The following VPS35L variants were observed in gnomAD, a reference collection of about 807,000 sequenced individuals.
The protein encoded by VPS35L is VPS35 endosomal protein sorting factor like, also known as VPS35 endosomal protein-sorting factor-like.
In VPS35L, 83 loss-of-function variants were observed where a neutral mutation model predicts 133.0. The ratio of observed to expected loss-of-function variants is 0.62; its 90% confidence interval spans 0.52 to 0.75. The LOEUF (loss-of-function observed/expected upper bound fraction) is 0.75. Among genes scored for constraint, VPS35L ranks in the 30% least tolerant of loss-of-function variants. The pLI, the probability that VPS35L is intolerant of heterozygous loss-of-function variation, is 0.00. For synonymous variants in VPS35L, 423 were observed against 449.9 expected, an observed-to-expected ratio of 0.94 and a Z score of 0.76; for missense variants, 1,083 against 1,206.8, an observed-to-expected ratio of 0.90 and a Z score of 1.52.
intron 26 of VPS35L, among the ~76,000 whole-genome samples, chr16:19,665,420 G>A (rs1043805013): frequency 6.6e-6 from 1 of 152,172 alleles, no homozygotes; most frequent in African/African-American, 2.4e-5. Context: ...ACAAATAAGT[G>A]AGAACATGCA....
intron 14 of VPS35L, among the ~76,000 whole-genome samples, chr16:19,622,573 A>G (rs1481003385): frequency 6.6e-6 from 1 of 152,092 alleles, no homozygotes; most frequent in Non-Finnish European, 1.5e-5. Context: ...GGTTGAAAAA[A>G]ATCCGTGTCT....
intron 29 of VPS35L, among the ~76,000 whole-genome samples, chr16:19,694,935 G>T (rs977525384): frequency 5.9e-5 from 9 of 152,162 alleles, no homozygotes; most frequent in Middle Eastern, 3.4e-3. Context: ...GAACCCAGGA[G>T]GGGGAGGTTG....
chr16:19,617,842 TG>T, intron 14 of VPS35L: 1 of 157,582 alleles, frequency 6.3e-6, no homozygotes. Context: ...TCACCATGCC[TG>T]GCTAATTTTT....
chr16:19,698,517 A>G (rs1486958435), intron 29 of VPS35L, among the ~76,000 whole-genome samples: 4 of 152,194 alleles, frequency 2.6e-5, no homozygotes, highest in African/African-American at 9.6e-5. Flanking sequence ...TCATGTTTGA[A>G]TAACGGGAAG....
At chr16:19,630,458 C>T (rs1241653099) in intron 18 of VPS35L, among the ~76,000 whole-genome samples, 5 of 151,694 alleles carry the variant, frequency 3.3e-5, no homozygotes, top group East Asian at 1.9e-4. Flanking sequence ...CTCATCCTCC[C>T]GAGTAGCTGG....
At chr16:19,610,543 T>C in intron 12 of VPS35L, 128 bp downstream of exon 12, 2 of 577,874 alleles carry the variant, frequency 3.5e-6, no homozygotes, top group Non-Finnish European at 5.8e-6. Flanking sequence ...TGGCTAATTT[T>C]AGATCATGGC....
At chr16:19,679,894 G>C (rs1447407327) in intron 27 of VPS35L, among the ~76,000 whole-genome samples, 2 of 152,208 alleles carry the variant, frequency 1.3e-5, no homozygotes, top group Non-Finnish European at 2.9e-5. Flanking sequence ...TTGAAAGTAT[G>C]ACTGCAATAT....
Position 19,616,784 on chromosome 16 carries a change from G to C in VPS35L, c.1200G>C (p.Gln400His). 1 of 1,614,166 alleles carries C rather than the reference G, an allele frequency of 6.2e-7. No homozygotes were observed. The highest frequency in any genetic ancestry group is 1.1e-5 in the South Asian group (1 of 91,086). The change falls in exon 14 of 31, where the codon CAG (glutamine) becomes CAC (histidine). Residue 400 changes from glutamine (Q) to histidine (H), a missense_variant. By Grantham distance (24) the Gln-to-His change is conservative. Transcript: ENST00000417362. ...CGCCTGCCATGGACTGGATCTTCCA[G>C]TGCATCTCCTACCATGCCCCCGAGG... ...LYPPAMDWIF[Q>H]CISYHAPEAL...
intron 26 of VPS35L, among the ~76,000 whole-genome samples, chr16:19,663,089 C>G (rs1205557061): frequency 6.6e-6 from 1 of 152,078 alleles, no homozygotes; most frequent in African/African-American, 2.4e-5. Flanking sequence ...GCGGGCAGAT[C>G]ACCTGAGTTC....
chr16:19,592,378 C>G (rs772896827), intron 8 of VPS35L, among the ~76,000 whole-genome samples: 1 of 151,996 alleles, frequency 6.6e-6, no homozygotes, highest in Non-Finnish European at 1.5e-5. Context: ...CCATGCCTGG[C>G]CTGTTTTTCC....
intron 18 of VPS35L, among the ~76,000 whole-genome samples, chr16:19,632,650 G>A (rs1973493671): frequency 6.6e-6 from 1 of 152,214 alleles, no homozygotes; most frequent in African/African-American, 2.4e-5. Context: ...CCCTGGGCTG[G>A]ATTGGGCTGC....
In VPS35L at chr16:19,699,448, C is replaced by A; in HGVS notation, c.2647-54C>A. 6.2e-7 allele frequency: 1 copy of A among 1,602,244 alleles called. No homozygotes were observed. The highest frequency in any genetic ancestry group is 8.5e-7 in the Non-Finnish European group (1 of 1,172,182). ...GTCAGCACTGTCCACAGCATCTCTG[C>A]GGGGCACGGCCTGAGCCCCAGTGCA... On this transcript the variant is annotated intron_variant, in intron 29 of 30. Transcript: ENST00000417362. The surrounding 1 kb of genome is among the most constrained non-coding windows in gnomAD (Gnocchi z 4.2).
In VPS35L at chr16:19,679,886, G is replaced by A. The variant is rs186970983; in HGVS notation, c.2362-2339G>A. Among the ~76,000 whole-genome samples the A allele has an allele frequency of 2.3e-3, 350 of 152,320 alleles. 1 individual carries two copies. Among genetic ancestry groups the A allele is most frequent in the African/African-American group, 8.2e-3 (340 of 41,574 alleles). Reference sequence around the variant, plus strand: ...CCTCCACAATTGTCCTCACCCACTTGAAAGTATGACTGCAATATGTACACA... The same window carrying A: ...CCTCCACAATTGTCCTCACCCACTTAAAAGTATGACTGCAATATGTACACA... On this transcript the variant is annotated intron_variant, in intron 27 of 30. Coordinates refer to ENST00000417362, the MANE Select transcript of VPS35L (RefSeq NM_020314.7).
chr16:19,578,713 A>G (rs1404729679), intron 5 of VPS35L: 2 of 337,320 alleles, frequency 5.9e-6, no homozygotes, highest in Non-Finnish European at 5.7e-6. Flanking sequence ...TTGTTCATAG[A>G]AAACAATTAG....
intron 7 of VPS35L, among the ~76,000 whole-genome samples, chr16:19,585,154 A>G (rs758884766): frequency 6.6e-6 from 1 of 151,972 alleles, no homozygotes; most frequent in Non-Finnish European, 1.5e-5. Context: ...GGTTGTTCCC[A>G]CTCTCTGGCT....
chr16:19,574,216 C>T (rs551320472), intron 4 of VPS35L, among the ~76,000 whole-genome samples: 20 of 152,254 alleles, frequency 1.3e-4, no homozygotes, highest in East Asian at 9.7e-4. Flanking sequence ...TTGGCAGCTC[C>T]GAGGGCATCA....
At chr16:19,556,595 C>T (rs1423911375) in intron 1 of VPS35L, among the ~76,000 whole-genome samples, 1 of 152,128 alleles carries the variant, frequency 6.6e-6, no homozygotes, top group Non-Finnish European at 1.5e-5. Context: ...TCTCAGAAAG[C>T]GAGATAATTT....
At chr16:19,638,600 A>C (rs1190893123) in intron 20 of VPS35L, among the ~76,000 whole-genome samples, 1 of 152,244 alleles carries the variant, frequency 6.6e-6, no homozygotes, top group Non-Finnish European at 1.5e-5. Context: ...GCACTTTGGG[A>C]GCATCATTAA....
intron 5 of VPS35L, among the ~76,000 whole-genome samples, chr16:19,576,473 T>C (rs1971541974): frequency 6.6e-6 from 1 of 152,196 alleles, no homozygotes. Flanking sequence ...CAGGATTTCC[T>C]GAGGAACTTT....
Sources: allele counts gnomAD v4.1 joint callset (sites outside exome capture counted in the v4.1 genomes callset), GRCh38; gene constraint gnomAD v4.1.1; non-coding constraint Gnocchi (gnomAD v3.1); transcripts MANE v1.5; gene names NCBI Gene and HGNC (gene_info 2026-07-23, HGNC 2026-07-21).